The following JMJD1C variants were observed in gnomAD, a reference collection of about 807,000 sequenced individuals.
JMJD1C encodes jumonji domain-containing protein 1C.
In JMJD1C, 31 loss-of-function variants were observed where a neutral mutation model predicts 245.3. The observed-to-expected ratio is 0.13, with a 90% CI of 0.09 to 0.17. JMJD1C has a LOEUF of 0.17. Among genes scored for constraint, JMJD1C ranks in the 10% least tolerant of loss-of-function variants. The pLI is 1.00. For synonymous variants in JMJD1C, 1,057 were observed against 1,017.4 expected, an observed-to-expected ratio of 1.04 and a Z score of -0.74; for missense variants, 2,691 against 3,000.2, an observed-to-expected ratio of 0.90 and a Z score of 2.41.
intron 2 of JMJD1C, among the ~76,000 whole-genome samples, chr10:63,355,292 G>A (rs1435911472): frequency 6.6e-6 from 1 of 152,134 alleles, no homozygotes; most frequent in African/African-American, 2.4e-5. Flanking sequence ...CATAGTTACA[G>A]TATAATTTCA....
At chr10:63,383,662 T>TGCA (rs1420412172) in intron 1 of JMJD1C, among the ~76,000 whole-genome samples, 2 of 152,182 alleles carry the variant, frequency 1.3e-5, no homozygotes, top group African/African-American at 4.8e-5. Context: ...ATCACACCAC[T>TGCA]GCACTGCAGC....
At chr10:63,401,926 G>C (rs144964140) in intron 1 of JMJD1C, among the ~76,000 whole-genome samples, 111 of 152,162 alleles carry the variant, frequency 7.3e-4, no homozygotes, top group African/African-American at 2.7e-3. Flanking sequence ...CCTGAGGTCG[G>C]GAGTTCGAGA....
At chr10:63,301,671 G>T (rs1589424324) in intron 2 of JMJD1C, 2 of 410,378 alleles carry the variant, frequency 4.9e-6, no homozygotes, top group Admixed American at 2.8e-5. Context: ...GGCCTGACAA[G>T]GGGAGAGAGA....
chr10:63,187,155 GA>G (rs1171491445), intron 18 of JMJD1C, among the ~76,000 whole-genome samples: 17 of 150,850 alleles, frequency 1.1e-4, no homozygotes, highest in Non-Finnish European at 2.2e-4. Flanking sequence ...TCTTTAAAAA[GA>G]AAAAACACCC....
intron 1 of JMJD1C, among the ~76,000 whole-genome samples, chr10:63,496,170 A>T (rs1442362831): frequency 6.6e-6 from 1 of 152,090 alleles, no homozygotes; most frequent in Non-Finnish European, 1.5e-5. Context: ...TAATCAGCAA[A>T]ATCAAGACTG....
At chr10:63,414,900 C>G (rs1949710676) in intron 1 of JMJD1C, among the ~76,000 whole-genome samples, 1 of 138,514 alleles carries the variant, frequency 7.2e-6, no homozygotes, top group Non-Finnish European at 1.5e-5. Flanking sequence ...CAGCAAGACT[C>G]TATCTCAAAA....
intron 22 of JMJD1C, among the ~76,000 whole-genome samples, chr10:63,182,584 A>G (rs760755153): frequency 1.3e-5 from 2 of 152,208 alleles, no homozygotes; most frequent in Admixed American, 6.5e-5. Flanking sequence ...CTCTGCTTCT[A>G]TTGTACAGAG....
chr10:63,381,067 A>G (rs1947177745), intron 1 of JMJD1C, among the ~76,000 whole-genome samples: 1 of 152,256 alleles, frequency 6.6e-6, no homozygotes, highest in African/African-American at 2.4e-5. Flanking sequence ...ATATATACAC[A>G]ATAGAATACA....
At chr10:63,485,055 TAAC>T (rs1953951643) in intron 1 of JMJD1C, among the ~76,000 whole-genome samples, 1 of 151,596 alleles carries the variant, frequency 6.6e-6, no homozygotes, top group Non-Finnish European at 1.5e-5. Context: ...AAAGGGATGG[TAAC>T]AACACTAGCC....
intron 2 of JMJD1C, among the ~76,000 whole-genome samples, chr10:63,344,012 C>T (rs996528229): frequency 6.6e-6 from 1 of 152,002 alleles, no homozygotes; most frequent in Non-Finnish European, 1.5e-5. Flanking sequence ...CACTCCAGCC[C>T]GGGCAGCAGA....
intron 2 of JMJD1C, among the ~76,000 whole-genome samples, chr10:63,325,132 T>C (rs757559251): frequency 3.3e-5 from 5 of 152,216 alleles, no homozygotes; most frequent in Non-Finnish European, 7.3e-5. Context: ...TACTGATATA[T>C]AAACCAGAAT....
chr10:63,369,065 G>C (rs2134416222), intron 2 of JMJD1C, among the ~76,000 whole-genome samples: 1 of 152,214 alleles, frequency 6.6e-6, no homozygotes, highest in East Asian at 1.9e-4. Flanking sequence ...GGAAGAATTA[G>C]TTAACCATCA....
chr10:63,308,271 TAGG>T (rs1157342948), intron 2 of JMJD1C, among the ~76,000 whole-genome samples: 1 of 152,158 alleles, frequency 6.6e-6, no homozygotes, highest in Non-Finnish European at 1.5e-5. Flanking sequence ...ACCATCTATG[TAGG>T]AGATGGATTT....
chr10:63,306,918 A>G (rs899727337), intron 2 of JMJD1C, among the ~76,000 whole-genome samples: 1 of 152,204 alleles, frequency 6.6e-6, no homozygotes, highest in African/African-American at 2.4e-5. Flanking sequence ...CTCCTTATTT[A>G]CCAGGGTTAA....
chr10:63,384,199 A>G (rs371283299), intron 1 of JMJD1C, among the ~76,000 whole-genome samples: 82 of 152,308 alleles, frequency 5.4e-4, no homozygotes, highest in African/African-American at 1.9e-3. Flanking sequence ...ATCTCTTGAT[A>G]TATCTACCAC....
At chr10:63,495,683 G>C (rs1030599830) in intron 1 of JMJD1C, among the ~76,000 whole-genome samples, 3 of 151,406 alleles carry the variant, frequency 2.0e-5, no homozygotes, top group Non-Finnish European at 4.4e-5. Context: ...TGAGACAGGT[G>C]GGAGGCGGAG....
At chr10:63,442,795 C>T (rs1951467826) in intron 1 of JMJD1C, among the ~76,000 whole-genome samples, 2 of 152,186 alleles carry the variant, frequency 1.3e-5, no homozygotes. Context: ...ATTGTTCCTT[C>T]TCTTAATATC....
intron 17 of JMJD1C, among the ~76,000 whole-genome samples, chr10:63,189,908 G>C (rs896883348): frequency 7.8e-6 from 1 of 127,480 alleles, no homozygotes; most frequent in African/African-American, 3.1e-5. Flanking sequence ...TTTTTTTTTT[G>C]AGATGGGAGT....
chr10:63,445,851 C>G (rs181857232), intron 1 of JMJD1C, among the ~76,000 whole-genome samples: 3 of 139,160 alleles, frequency 2.2e-5, no homozygotes, highest in Admixed American at 1.5e-4. Flanking sequence ...ATGACATGTG[C>G]TGGGATCTGA....
Sources: allele counts gnomAD v4.1 joint callset (sites outside exome capture counted in the v4.1 genomes callset), GRCh38; gene constraint gnomAD v4.1.1; transcripts MANE v1.5; gene names NCBI Gene and HGNC (gene_info 2026-07-23, HGNC 2026-07-21).